PRKG2: variants seen among roughly 807,000 people sequenced by gnomAD.
The protein encoded by PRKG2 is cGMP-dependent protein kinase 2.
In PRKG2, 33 loss-of-function variants were observed where a neutral mutation model predicts 97.2. That is an observed-to-expected ratio of 0.34 (90% confidence interval 0.26 to 0.45). The LOEUF (loss-of-function observed/expected upper bound fraction) is 0.45, where lower values mean the gene tolerates loss of function less well. Among genes scored for constraint, PRKG2 ranks in the 20% least tolerant of loss-of-function variants. The pLI, the probability that PRKG2 is intolerant of heterozygous loss-of-function variation, is 1.00. For missense variants in PRKG2, 638 were observed against 900.0 expected (o/e 0.71, Z 3.73); for synonymous variants, 330 against 321.8 (o/e 1.03, Z -0.27).
chr4:81,159,961 G>T (rs1203682477), intron 6 of PRKG2, among the ~76,000 whole-genome samples: 4 of 126,800 alleles, frequency 3.2e-5, no homozygotes, highest in Non-Finnish European at 6.4e-5. Context: ...GACCATTGTG[G>T]GGTGGGGGGA....
At chr4:81,195,495 C>A (rs535314587) in intron 2 of PRKG2, among the ~76,000 whole-genome samples, 1 of 152,306 alleles carries the variant, frequency 6.6e-6, no homozygotes, top group East Asian at 1.9e-4. Context: ...CACCATCTAT[C>A]TCCAGAATCT....
chr4:81,121,328 A>G (rs1745049807), intron 14 of PRKG2, among the ~76,000 whole-genome samples: 1 of 152,092 alleles, frequency 6.6e-6, no homozygotes, highest in Admixed American at 6.5e-5. Flanking sequence ...TCAGTTATGG[A>G]GTATTCCTTC....
intron 6 of PRKG2, among the ~76,000 whole-genome samples, chr4:81,155,127 G>C (rs1384110525): frequency 1.5e-5 from 2 of 135,736 alleles, no homozygotes; most frequent in Admixed American, 1.5e-4. Flanking sequence ...GCAGTGAGCC[G>C]AGATCCCGCC....
rs1388608969 is a variant in PRKG2 at position 81,089,231 on chromosome 4, A to G, written c.*477T>C. ...CTGTTGGCTACCATGGTTTCTGCAA[A>G]CCACCATTTTAAGATACCACCATGC... On this transcript the variant is annotated 3_prime_UTR_variant, in exon 19 of 19. Transcript: ENST00000264399. The G allele has an allele frequency of 2.6e-5, 4 of 152,298 alleles. No individual in the cohort carries two copies. Among genetic ancestry groups the G allele is most frequent in the African/African-American group, 9.7e-5 (4 of 41,432 alleles). 9.4% of individuals were successfully genotyped at this position (152,298 alleles called of 1,614,324 possible).
intron 18 of PRKG2, among the ~76,000 whole-genome samples, chr4:81,090,571 G>C (rs932956500): frequency 3.3e-5 from 5 of 152,164 alleles, no homozygotes; most frequent in African/African-American, 4.8e-5. Flanking sequence ...GTGAAATTAT[G>C]CTGGTATTAA....
At chr4:81,123,877 AATTTG>A (rs1465569930) in intron 14 of PRKG2, among the ~76,000 whole-genome samples, 1 of 152,138 alleles carries the variant, frequency 6.6e-6, no homozygotes, top group East Asian at 1.9e-4. Context: ...TCAAAAAAAG[AATTTG>A]ATCCTTCTAT....
chr4:81,104,248 C>A, intron 17 of PRKG2, 122 bp downstream of exon 17: 1 of 515,878 alleles, frequency 1.9e-6, no homozygotes, highest in South Asian at 3.3e-5. Context: ...AAGCAAAGCA[C>A]TATAAAGAAA....
At chr4:81,164,437 G>A (rs944060466) in intron 6 of PRKG2, among the ~76,000 whole-genome samples, 31 of 150,390 alleles carry the variant, frequency 2.1e-4, no homozygotes, top group African/African-American at 4.9e-4. Flanking sequence ...GGATTTAACC[G>A]TTAGGATGAC....
At position 81,168,102 on chromosome 4, in the gene PRKG2, T is replaced by C. The variant is rs1365849814; in HGVS notation, c.849-878A>G. Among the ~76,000 whole-genome samples the C allele has an allele frequency of 2.6e-5, 4 of 152,222 alleles. No homozygotes were observed. The Middle Eastern group carries it at 0.01, about 388-fold the overall frequency. On this transcript the variant is annotated intron_variant, in intron 5 of 18. Coordinates refer to ENST00000264399, the MANE Select transcript of PRKG2 (RefSeq NM_006259.3). ...TGTATTCCCCTAATATATCTCACTATAGATGAAATGGTAAAAGAGTCATCA... is the reference window on the plus strand; with the variant it reads ...TGTATTCCCCTAATATATCTCACTACAGATGAAATGGTAAAAGAGTCATCA...
chr4:81,185,144 C>G (rs1299940562), intron 2 of PRKG2, among the ~76,000 whole-genome samples: 1 of 152,068 alleles, frequency 6.6e-6, no homozygotes, highest in East Asian at 1.9e-4. Flanking sequence ...AAAGATAGTC[C>G]TCAAGAAGAG....
intron 17 of PRKG2, among the ~76,000 whole-genome samples, chr4:81,093,216 T>A (rs1377931815): frequency 6.6e-6 from 1 of 152,094 alleles, no homozygotes; most frequent in African/African-American, 2.4e-5. Context: ...GTTCCCACTT[T>A]AAGGCCTTTG....
At chr4:81,131,607 C>A (rs188531135) in intron 14 of PRKG2, among the ~76,000 whole-genome samples, 1 of 152,192 alleles carries the variant, frequency 6.6e-6, no homozygotes, top group Admixed American at 6.5e-5. Flanking sequence ...GAAAATATTA[C>A]CCTATGTTTA....
intron 6 of PRKG2, among the ~76,000 whole-genome samples, chr4:81,162,177 G>A (rs770642275): frequency 2.6e-5 from 4 of 152,016 alleles, no homozygotes; most frequent in Admixed American, 6.6e-5. Context: ...TAGTTAAGAC[G>A]GTGTATCTAA....
At chr4:81,096,040 G>A (rs1240081661) in intron 17 of PRKG2, among the ~76,000 whole-genome samples, 1 of 152,112 alleles carries the variant, frequency 6.6e-6, no homozygotes, top group Non-Finnish European at 1.5e-5. Flanking sequence ...TTTTTGCTAT[G>A]GTCAAAAAGG....
At chr4:81,154,025 G>A in intron 6 of PRKG2, 1 of 216,588 alleles carries the variant, frequency 4.6e-6, no homozygotes, top group Non-Finnish European at 9.3e-6. Context: ...CTGGAAAATC[G>A]GGTCACTCTC....
At chr4:81,105,620 T>C (rs1051358753) in intron 16 of PRKG2, among the ~76,000 whole-genome samples, 193 bp downstream of exon 16, 5 of 152,182 alleles carry the variant, frequency 3.3e-5, no homozygotes, top group Admixed American at 2.6e-4. Context: ...AAGTAGGTAC[T>C]GTGATTCTGT....
At chr4:81,150,064 G>A (rs10023642) in intron 8 of PRKG2, among the ~76,000 whole-genome samples, 12,824 of 152,102 alleles carry the variant, frequency 0.084, 1,846 homozygotes, top group African/African-American at 0.29. Context: ...GAAAATTTGT[G>A]CTTGTATATG....
chr4:81,091,423 C>T (rs957976706), intron 18 of PRKG2, among the ~76,000 whole-genome samples: 1 of 152,040 alleles, frequency 6.6e-6, no homozygotes, highest in Admixed American at 6.6e-5. Context: ...GCTGGGATGA[C>T]AGGTGCCCGC....
chr4:81,167,100 T>C lies in PRKG2; in HGVS notation c.912+61A>G, dbSNP rs1750051100. ...TCTTTTTATTTATTTATGGTGTTAA[T>C]AATATAAGTACATTCTAATATCTTC... On this transcript the variant is annotated intron_variant, in intron 6 of 18. Transcript: ENST00000264399. 2.7e-6 allele frequency: 3 copies of C among 1,117,200 alleles called. No individual in the cohort carries two copies. In the East Asian group the frequency reaches 7.9e-5, roughly 29 times the overall value. The allele number at this position is 1,117,200 out of a possible 1,614,324, so 69.2% of individuals were successfully genotyped here.
Sources: gnomAD v4.1 joint callset for allele counts (sites outside exome capture counted in the v4.1 genomes callset) on GRCh38, gnomAD v4.1.1 for gene constraint, MANE v1.5 for transcripts, NCBI Gene and HGNC (gene_info 2026-07-23, HGNC 2026-07-21) for gene names.